The following PPP2R2B variants were observed in gnomAD, a reference collection of about 807,000 sequenced individuals.
The protein encoded by PPP2R2B is serine/threonine-protein phosphatase 2A 55 kDa regulatory subunit B beta isoform.
In PPP2R2B, 5 loss-of-function variants were observed where a neutral mutation model predicts 46.0. That is an observed-to-expected ratio of 0.11 (90% CI 0.06 to 0.23). PPP2R2B has a LOEUF of 0.23. PPP2R2B is among the 10% of genes least tolerant of loss of function. The probability of loss-of-function intolerance (pLI) is 1.00; values close to 1 mark genes in which losing one functional copy is unlikely to be tolerated. For synonymous variants in PPP2R2B, 215 were observed against 206.7 expected, an observed-to-expected ratio of 1.04 and a Z score of -0.34; for missense variants, 367 against 575.0, an observed-to-expected ratio of 0.64 and a Z score of 3.70.
chr5:146,805,164 A>T (rs1757101110), intron 2 of PPP2R2B, among the ~76,000 whole-genome samples: 1 of 152,228 alleles, frequency 6.6e-6, no homozygotes. Context: ...AACTGTGCTC[A>T]GAAATATCCA....
At chr5:146,971,203 T>G (rs1057156514) in intron 1 of PPP2R2B, among the ~76,000 whole-genome samples, 10 of 152,166 alleles carry the variant, frequency 6.6e-5, no homozygotes, top group African/African-American at 2.4e-4. Context: ...TTCATATCTT[T>G]AAAAATTGAA....
At chr5:146,932,966 T>C (rs1582452444) in intron 1 of PPP2R2B, among the ~76,000 whole-genome samples, 2 of 152,164 alleles carry the variant, frequency 1.3e-5, no homozygotes, top group African/African-American at 4.8e-5. Flanking sequence ...TTTGAGAATC[T>C]GGAAGGACAG....
intron 1 of PPP2R2B, among the ~76,000 whole-genome samples, chr5:146,979,433 A>G (rs780448542): frequency 1.3e-5 from 2 of 152,084 alleles, no homozygotes; most frequent in Non-Finnish European, 2.9e-5. Flanking sequence ...AAATTTACTT[A>G]TTTTGCTCAC....
intron 1 of PPP2R2B, among the ~76,000 whole-genome samples, chr5:146,933,760 C>T (rs774649073): frequency 4.6e-4 from 69 of 150,938 alleles, no homozygotes; most frequent in Non-Finnish European, 8.8e-4. Flanking sequence ...TATACATGTG[C>T]CATGCTGGTG....
chr5:146,669,638 C>T (rs1777216213), intron 5 of PPP2R2B, among the ~76,000 whole-genome samples: 1 of 152,068 alleles, frequency 6.6e-6, no homozygotes, highest in Non-Finnish European at 1.5e-5. Flanking sequence ...TGTAAAACTG[C>T]CACTTTAATG....
intron 7 of PPP2R2B, among the ~76,000 whole-genome samples, chr5:146,603,174 C>G (rs1041539743): frequency 6.6e-6 from 1 of 152,180 alleles, no homozygotes; most frequent in African/African-American, 2.4e-5. Context: ...TATGCCATCA[C>G]TATTTTCATT....
intron 9 of PPP2R2B, among the ~76,000 whole-genome samples, chr5:146,591,690 A>T (rs914455717): frequency 6.6e-6 from 1 of 151,736 alleles, no homozygotes; most frequent in African/African-American, 2.4e-5. Flanking sequence ...AAAAAAAAAA[A>T]GACTACCAAC....
Position 146,586,778 on chromosome 5 carries a change from C to T in PPP2R2B, c.*3169G>A, listed in dbSNP as rs1173287355. 6.6e-6 allele frequency: 1 copy of T among 151,948 alleles called. No individual in the cohort carries two copies. Among genetic ancestry groups the T allele is most frequent in the Non-Finnish European group, 1.5e-5 (1 of 68,008 alleles). The allele number at this position is 151,948 out of a possible 1,614,324, so 9.4% of individuals were successfully genotyped here. On this transcript the variant is annotated 3_prime_UTR_variant, in exon 10 of 10. Transcript: ENST00000394411. ...CAAACTTGAAGGAGTTAAGAAGCAA[C>T]TTGATTCCCACTGCCCATCTGCCTT... is the stretch of plus-strand genomic sequence containing the variant.
chr5:146,806,932 C>T (rs1401658014), intron 2 of PPP2R2B, among the ~76,000 whole-genome samples: 1 of 152,152 alleles, frequency 6.6e-6, no homozygotes, highest in Non-Finnish European at 1.5e-5. Context: ...TCTCATTGTC[C>T]CATGACCTTA....
rs1047840202 is a variant in PPP2R2B, at chr5:146,809,652, C to T, written c.70+68350G>A. ...AGTAAGCAAGGAGTGGGCCACGAGG[C>T]TGTGGGCACACAGAGACCAGATCTT... On this transcript the variant is annotated intron_variant, in intron 2 of 9. Transcript: ENST00000394411. Among the ~76,000 whole-genome samples, 13 of 152,240 alleles carry T rather than the reference C, an allele frequency of 8.5e-5. No homozygotes were observed. In the East Asian group the frequency reaches 2.3e-3, roughly 27 times the overall value.
At chr5:146,906,264 ATAT>A (rs1762992713) in intron 1 of PPP2R2B, among the ~76,000 whole-genome samples, 1 of 151,974 alleles carries the variant, frequency 6.6e-6, no homozygotes, top group African/African-American at 2.4e-5. Context: ...TAAAGAAAAT[ATAT>A]TATTAAAATT....
rs539679262 is a variant in PPP2R2B at position 146,586,767 on chromosome 5, T to G, written c.*3180A>C. ...AAGGCAGGAGCCAAACTTGAAGGAG[T>G]TAAGAAGCAACTTGATTCCCACTGC... On this transcript the variant is annotated 3_prime_UTR_variant, in exon 10 of 10. Coordinates refer to ENST00000394411, the MANE Select transcript of PPP2R2B (RefSeq NM_181675.4). The G allele has an allele frequency of 3.9e-5, 6 of 152,042 alleles. No homozygotes were observed. The South Asian group carries it at 1.3e-3, about 32-fold the overall frequency. 9.4% of individuals were successfully genotyped at this position (152,042 alleles called of 1,614,324 possible).
At chr5:146,960,338 G>A (rs1233447636) in intron 1 of PPP2R2B, among the ~76,000 whole-genome samples, 1 of 152,042 alleles carries the variant, frequency 6.6e-6, no homozygotes, top group Non-Finnish European at 1.5e-5. Context: ...CACCCAGGCT[G>A]GAGTGCAGTG....
intron 2 of PPP2R2B, among the ~76,000 whole-genome samples, chr5:146,868,770 C>T (rs1761455637): frequency 6.6e-6 from 1 of 152,054 alleles, no homozygotes; most frequent in Non-Finnish European, 1.5e-5. Context: ...TCATCTTTTC[C>T]CTATCAACAT....
rs1214546736 is a variant in PPP2R2B, at chr5:146,812,787, ATG to A, written c.70+65213_70+65214del. 2.2e-3 allele frequency among the ~76,000 whole-genome samples: 50 copies of A among 23,000 alleles called. 7 individuals carry two copies. The highest frequency in any genetic ancestry group is 0.011 in the African/African-American group (39 of 3,426). 15.1% of individuals were successfully genotyped at this position (23,000 alleles called of 152,430 possible). A position where few individuals can be genotyped will look rare whatever the true frequency, so the allele number is the denominator to read the frequency against. ...TTACTTAATGTGTGTGTGTGTGTAT[ATG>A]TGTGTATATATATATATATATATAT... On this transcript the variant is annotated intron_variant, in intron 2 of 9. Transcript: ENST00000394411.
Position 146,650,599 on chromosome 5 carries a change from A to T in PPP2R2B, c.573T>A (p.Ala191=). The part of the protein sequence containing the change: ...VNSDYETYMS[A]DDLRINLWNF... ...TCCATAGGTTAATCCTCAGGTCATC[A>T]GCGGACATGTAGGTTTCATAGTCGC... The change falls in exon 6 of 10, where the codon GCT becomes GCA. Residue 191 remains alanine, a synonymous_variant. Coordinates refer to ENST00000394411, the MANE Select transcript of PPP2R2B (RefSeq NM_181675.4). 1 of 1,614,058 alleles carries T rather than the reference A, an allele frequency of 6.2e-7. No homozygotes were observed. The highest frequency in any genetic ancestry group is 8.5e-7 in the Non-Finnish European group (1 of 1,179,982).
intron 2 of PPP2R2B, among the ~76,000 whole-genome samples, chr5:146,833,917 A>G (rs955685119): frequency 6.6e-6 from 1 of 152,204 alleles, no homozygotes; most frequent in Non-Finnish European, 1.5e-5. Context: ...AAGATAACTC[A>G]TCATGTGAAT....
At chr5:147,030,181 T>G (rs902441516) in intron 1 of PPP2R2B, among the ~76,000 whole-genome samples, 2 of 152,196 alleles carry the variant, frequency 1.3e-5, no homozygotes, top group Non-Finnish European at 2.9e-5. Context: ...TAATAAAGTT[T>G]TTTGGTATTG....
intron 1 of PPP2R2B, chr5:147,040,683 G>A (rs1397777472): frequency 4.6e-6 from 2 of 430,130 alleles, no homozygotes; most frequent in Admixed American, 5.6e-5. Context: ...GAATGACCTT[G>A]TTAGGTACTC....
Sources: gnomAD v4.1 joint callset for allele counts (sites outside exome capture counted in the v4.1 genomes callset) on GRCh38, gnomAD v4.1.1 for gene constraint, MANE v1.5 for transcripts, NCBI Gene and HGNC (gene_info 2026-07-23, HGNC 2026-07-21) for gene names.